The following SLC7A13 variants were observed in gnomAD, a reference collection of about 807,000 sequenced individuals.
The protein encoded by SLC7A13 is solute carrier family 7 member 13, also known as X-amino acid transporter 2.
Under a neutral mutation model 32.0 loss-of-function variants are expected in SLC7A13, and 31 were observed. That is an observed-to-expected ratio of 0.97 (90% CI 0.73 to 1.31). The LOEUF (loss-of-function observed/expected upper bound fraction) is 1.31. Among genes scored for constraint, SLC7A13 ranks in the 50% most tolerant of loss-of-function variants. The pLI is 0.00. For synonymous variants in SLC7A13, 232 were observed against 206.9 expected (o/e 1.12, Z -1.04); for missense variants, 633 against 546.9 (o/e 1.16, Z -1.57).
intron 2 of SLC7A13, among the ~76,000 whole-genome samples, chr8:86,222,735 C>T (rs1820320798): frequency 6.6e-6 from 1 of 152,148 alleles, no homozygotes; most frequent in South Asian, 2.1e-4. Context: ...TGATCTACAC[C>T]ATACATCAAC....
chr8:86,217,508 G>T lies in SLC7A13; in HGVS notation c.1141C>A (p.Arg381=). ...SILLMIGILR[R]RYQEPNLSIP... The stretch of plus-strand genomic sequence containing the variant: ...GATAGATTGGGTTCCTGGTATCTCC[G>T]CCTTAGTATTCCTATCATTAATAAT... The change falls in exon 3 of 4, where the codon CGG becomes AGG. Residue 381 remains arginine, a synonymous_variant. Transcript: ENST00000297524. The T allele has an allele frequency of 2.5e-6, 4 of 1,598,298 alleles. No homozygotes were observed. Among genetic ancestry groups the T allele is most frequent in the Non-Finnish European group, 2.6e-6 (3 of 1,174,688 alleles).
intron 1 of SLC7A13, among the ~76,000 whole-genome samples, chr8:86,228,038 T>C (rs940371908): frequency 6.6e-6 from 1 of 152,134 alleles, no homozygotes; most frequent in Non-Finnish European, 1.5e-5. Flanking sequence ...CTCACTATTA[T>C]ACAAATAAAT....
Position 86,229,901 on chromosome 8 carries a change from C to A in SLC7A13, c.377G>T (p.Ser126Ile). The A allele has an allele frequency of 6.2e-7, 1 of 1,614,090 alleles. No individual in the cohort carries two copies. The highest frequency in any genetic ancestry group is 1.3e-5 in the African/African-American group (1 of 75,024). The change falls in exon 1 of 4, where the codon AGC becomes ATC. Residue 126 changes from serine to isoleucine, a missense_variant. Ser to Ile is a moderately radical substitution (Grantham distance 142). Coordinates refer to ENST00000297524, the MANE Select transcript of SLC7A13 (RefSeq NM_138817.3). The stretch of plus-strand genomic sequence containing the variant: ...CTTAGGCAGCTTTGGGACAGAGCAG[C>A]TGGGAAAAAAAGGCTGGATGCTGTA... ...AEYSIQPFFP[S>I]CSVPKLPKKC...
chr8:86,228,320 G>T (rs759729737), intron 1 of SLC7A13, among the ~76,000 whole-genome samples: 1 of 151,742 alleles, frequency 6.6e-6, no homozygotes. Flanking sequence ...AGCCTCTTTC[G>T]GGCTCCTATA....
chr8:86,216,741 C>A (rs75165286), intron 3 of SLC7A13, among the ~76,000 whole-genome samples: 10,482 of 152,230 alleles, frequency 0.069, 427 homozygotes, highest in African/African-American at 0.11. Flanking sequence ...AGTGACCTAA[C>A]TTTTCTAAAT....
At chr8:86,224,821 G>A (rs78922885) in intron 1 of SLC7A13, among the ~76,000 whole-genome samples, 4,743 of 152,022 alleles carry the variant, frequency 0.031, 265 homozygotes, top group African/African-American at 0.11. Flanking sequence ...CAACGTAATG[G>A]TGTTAAAAAA....
rs759623063 is a variant in SLC7A13, at chr8:86,230,157, ATG to A, written c.119_120del (p.Ala40ValfsTer77). The A allele has an allele frequency of 6.2e-7, 1 of 1,614,226 alleles. No homozygotes were observed. The highest frequency in any genetic ancestry group is 1.1e-5 in the South Asian group (1 of 91,080). Reference protein sequence around the residue: ...GIFVSPKGVLAYSCMNVGVSL... With the variant: ...GIFVSPKGVLXYSCMNVGVSL... ...GAGACTCCCACGTTCATGCAAGAGTATGCCAACACACCTTTGGGGGACACAAA... is the reference window on the plus strand; with the variant it reads ...GAGACTCCCACGTTCATGCAAGAGTACCAACACACCTTTGGGGGACACAAA... On this transcript the variant is annotated frameshift_variant, in exon 1 of 4. Coordinates refer to ENST00000297524, the MANE Select transcript of SLC7A13 (RefSeq NM_138817.3). LOFTEE classifies it high-confidence loss of function.
At chr8:86,218,348 A>G (rs1820229677) in intron 2 of SLC7A13, among the ~76,000 whole-genome samples, 1 of 152,206 alleles carries the variant, frequency 6.6e-6, no homozygotes, top group Non-Finnish European at 1.5e-5. Flanking sequence ...AAAAGGAACC[A>G]TGTAGATGAA....
At chr8:86,216,353 G>C (rs1388728558) in intron 3 of SLC7A13, among the ~76,000 whole-genome samples, 1 of 152,170 alleles carries the variant, frequency 6.6e-6, no homozygotes, top group Non-Finnish European at 1.5e-5. Flanking sequence ...AGCATCCTCT[G>C]CAGACCACTA....
At chr8:86,215,705 A>G (rs1046584777) in intron 3 of SLC7A13, 2 of 447,388 alleles carry the variant, frequency 4.5e-6, no homozygotes, top group Non-Finnish European at 9.0e-6. Flanking sequence ...CAAAAAAAAG[A>G]AAAAACAAAG....
At position 86,217,699 on chromosome 8, in the gene SLC7A13, G is replaced by A. The variant is rs1820213089; in HGVS notation, c.950C>T (p.Ala317Val). The change falls in exon 3 of 4, where the codon GCA becomes GTA. Residue 317 changes from alanine to valine, a missense_variant. By Grantham distance (64) the Ala-to-Val change is moderately conservative. Transcript: ENST00000297524. ...IFKSSRPIYL[A>V]SQEGQLPLLF... ...CAAAGGCAGCTGGCCCTCTTGGCTT[G>A]CAAGATATATTGGTCTCGATGATTT... 1 of 1,613,410 alleles carries A rather than the reference G, an allele frequency of 6.2e-7. No homozygotes were observed. Among genetic ancestry groups the A allele is most frequent in the Admixed American group, 1.7e-5 (1 of 59,944 alleles).
In SLC7A13 at chr8:86,230,163, A is replaced by G. The variant is rs1820460621; in HGVS notation, c.115T>C (p.Leu39=). ...CCCACGTTCATGCAAGAGTATGCCAACACACCTTTGGGGGACACAAAAATT... is the reference window on the plus strand; with the variant it reads ...CCCACGTTCATGCAAGAGTATGCCAGCACACCTTTGGGGGACACAAAAATT... The part of the protein sequence containing the change: ...AGIFVSPKGV[L]AYSCMNVGVS... The change falls in exon 1 of 4, where the codon TTG becomes CTG. Residue 39 remains leucine, a synonymous_variant. Coordinates refer to ENST00000297524, the MANE Select transcript of SLC7A13 (RefSeq NM_138817.3). 1.2e-6 allele frequency: 2 copies of G among 1,614,222 alleles called. No homozygotes were observed. The highest frequency in any genetic ancestry group is 1.7e-6 in the Non-Finnish European group (2 of 1,180,038).
At chr8:86,216,821 G>A (rs946128638) in intron 3 of SLC7A13, among the ~76,000 whole-genome samples, 1 of 152,136 alleles carries the variant, frequency 6.6e-6, no homozygotes, top group Non-Finnish European at 1.5e-5. Flanking sequence ...GATTAAAGGT[G>A]ATCATCCAAG....
chr8:86,219,235 CT>C (rs759069887), intron 2 of SLC7A13, among the ~76,000 whole-genome samples: 15 of 152,124 alleles, frequency 9.9e-5, no homozygotes, highest in Non-Finnish European at 1.9e-4. Flanking sequence ...CAAAATATTT[CT>C]TTCCAGTAAG....
At chr8:86,218,940 G>A (rs138351528) in intron 2 of SLC7A13, among the ~76,000 whole-genome samples, 183 of 152,154 alleles carry the variant, frequency 1.2e-3, no homozygotes, top group African/African-American at 4.3e-3. Context: ...GTACTTTTGG[G>A]ACATCAACAT....
At position 86,227,118 on chromosome 8, in the gene SLC7A13, G is replaced by C. The variant is rs149194707; in HGVS notation, c.685+2475C>G. On this transcript the variant is annotated intron_variant, in intron 1 of 3. Coordinates refer to ENST00000297524, the MANE Select transcript of SLC7A13 (RefSeq NM_138817.3). ...TATTGCCTCTTCTACTAGACTGTAA[G>C]CCTTTTTGATAAAGACTATATCTTA... 1.1e-3 allele frequency among the ~76,000 whole-genome samples: 164 copies of C among 152,220 alleles called. 1 individual carries two copies. Among genetic ancestry groups the C allele is most frequent in the African/African-American group, 3.7e-3 (155 of 41,510 alleles).
intron 2 of SLC7A13, among the ~76,000 whole-genome samples, chr8:86,221,613 C>T (rs1167022768): frequency 6.6e-6 from 1 of 151,642 alleles, no homozygotes; most frequent in Admixed American, 6.6e-5. Context: ...TATCCCTCCC[C>T]ACTCCCCCCA....
At chr8:86,221,701 A>G (rs951676381) in intron 2 of SLC7A13, among the ~76,000 whole-genome samples, 10 of 152,056 alleles carry the variant, frequency 6.6e-5, no homozygotes, top group African/African-American at 2.4e-4. Context: ...TAGCCAAATT[A>G]AAAGTGATGA....
Position 86,229,752 on chromosome 8 carries a change from G to A in SLC7A13, c.526C>T (p.Leu176=), listed in dbSNP as rs1239737079. 1.2e-6 allele frequency: 2 copies of A among 1,614,184 alleles called. No homozygotes were observed. The highest frequency in any genetic ancestry group is 1.1e-5 in the South Asian group (1 of 91,082). ...CTTATCAGGAACACTACTCCAGTTA[G>A]GGAAATGAAGCTAAGTATGGACACT... ...LKVSILSFIS[L]TGVVFLIRGK... The change falls in exon 1 of 4, where the codon CTA becomes TTA. Residue 176 remains leucine (L), a synonymous_variant. Transcript: ENST00000297524.
Sources: gnomAD v4.1 joint callset for allele counts (sites outside exome capture counted in the v4.1 genomes callset) on GRCh38, gnomAD v4.1.1 for gene constraint, MANE v1.5 for transcripts, NCBI Gene and HGNC (gene_info 2026-07-23, HGNC 2026-07-21) for gene names.